The following ZNF730 variants were observed in gnomAD, a reference collection of about 807,000 sequenced individuals.
The protein encoded by ZNF730 is putative zinc finger protein 730.
In ZNF730, 12 loss-of-function variants were observed where a neutral mutation model predicts 12.6. That is an observed-to-expected ratio of 0.95 (90% CI 0.61 to 1.54). The LOEUF (loss-of-function observed/expected upper bound fraction) is 1.54. Among genes scored for constraint, ZNF730 ranks in the 40% most tolerant of loss-of-function variants. The pLI is 0.00. For synonymous variants in ZNF730, 194 were observed against 195.8 expected, an observed-to-expected ratio of 0.99 and a Z score of 0.08; for missense variants, 643 against 583.5, an observed-to-expected ratio of 1.10 and a Z score of -1.05.
chr19:23,089,212 C>T (rs972865751), intron 1 of ZNF730, among the ~76,000 whole-genome samples: 4 of 150,322 alleles, frequency 2.7e-5, no homozygotes, highest in Admixed American at 6.6e-5. Flanking sequence ...TATGATGCAT[C>T]GTATTTCTTT....
At chr19:23,118,442 T>A (rs1265831709) in intron 1 of ZNF730, among the ~76,000 whole-genome samples, 1 of 151,756 alleles carries the variant, frequency 6.6e-6, no homozygotes, top group Non-Finnish European at 1.5e-5. Flanking sequence ...CTGGTCCTGG[T>A]TTTCAGTACT....
Position 23,135,655 on chromosome 19 carries a change from C to T in ZNF730, c.131-293C>T, listed in dbSNP as rs1970819936. ...CCTCTTGAGTAGCTGGGACTACAGG[C>T]GTGTGCCACCACACCTAGCTAATTT... On this transcript the variant is annotated intron_variant, in intron 2 of 3. Transcript: ENST00000597761. Among the ~76,000 whole-genome samples, 4 of 151,828 alleles carry T rather than the reference C, an allele frequency of 2.6e-5. 1 individual carries two copies. The highest frequency in any genetic ancestry group is 4.2e-4 in the South Asian group (2 of 4,814).
intron 1 of ZNF730, among the ~76,000 whole-genome samples, chr19:23,081,117 A>G (rs1969959308): frequency 6.6e-6 from 1 of 150,924 alleles, no homozygotes; most frequent in Non-Finnish European, 1.5e-5. Flanking sequence ...AAGTGCTGGG[A>G]TTACAGGCGT....
At chr19:23,137,981 G>A (rs1970857030) in intron 3 of ZNF730, among the ~76,000 whole-genome samples, 2 of 152,184 alleles carry the variant, frequency 1.3e-5, no homozygotes, top group African/African-American at 4.8e-5. Context: ...ATATCAAAAT[G>A]TAGATGAAAA....
chr19:23,104,910 C>G (rs1241567714), intron 1 of ZNF730, among the ~76,000 whole-genome samples: 2 of 152,098 alleles, frequency 1.3e-5, no homozygotes, highest in Middle Eastern at 3.2e-3. Flanking sequence ...GAAAGGATTA[C>G]CCAGCTCACA....
chr19:23,145,632 T>C lies in ZNF730; in HGVS notation c.588T>C (p.Thr196=). The change falls in exon 4 of 4, where the codon ACT becomes ACC. Residue 196 remains threonine, a synonymous_variant. Transcript: ENST00000597761. ...TAGCTCAACATAAAAAAATTCATAC[T>C]GGAGAGAAATCCTACAAATGTGAAG... ...SHLAQHKKIH[T]GEKSYKCEEY... is the part of the protein sequence containing the mutation. 6.4e-7 allele frequency: 1 copy of C among 1,550,800 alleles called. No homozygotes were observed. Among genetic ancestry groups the C allele is most frequent in the Non-Finnish European group, 8.7e-7 (1 of 1,149,592 alleles).
At chr19:23,121,169 C>T (rs1970593440) in intron 1 of ZNF730, among the ~76,000 whole-genome samples, 1 of 152,086 alleles carries the variant, frequency 6.6e-6, no homozygotes, top group African/African-American at 2.4e-5. Flanking sequence ...AGAGTGTATA[C>T]TGTGTAGATT....
At chr19:23,124,334 G>A (rs2169589) in intron 1 of ZNF730, among the ~76,000 whole-genome samples, 85,782 of 152,146 alleles carry the variant, frequency 0.56, 26,382 homozygotes, top group South Asian at 0.73. Context: ...AAAGATCAAG[G>A]CTACAAAGTA....
At chr19:23,076,424 G>C (rs1969862791) in intron 1 of ZNF730, among the ~76,000 whole-genome samples, 2 of 152,062 alleles carry the variant, frequency 1.3e-5, no homozygotes, top group African/African-American at 4.8e-5. Flanking sequence ...GTACGTCTTC[G>C]GGTTGAAGTT....
At chr19:23,134,293 T>G in intron 2 of ZNF730, 87 bp downstream of exon 2, 1 of 1,206,344 alleles carries the variant, frequency 8.3e-7, no homozygotes, top group Non-Finnish European at 1.1e-6. Flanking sequence ...AGATCCCGGG[T>G]TTTTTTCTTT....
intron 1 of ZNF730, chr19:23,128,053 G>A: frequency 1.3e-6 from 1 of 764,116 alleles, no homozygotes. Context: ...GACTGGCAAT[G>A]AATACAATGT....
chr19:23,139,021 G>A (rs1970875820), intron 3 of ZNF730, among the ~76,000 whole-genome samples: 1 of 152,014 alleles, frequency 6.6e-6, no homozygotes, highest in African/African-American at 2.4e-5. Context: ...ATTTTAGATT[G>A]AAACATTTAG....
chr19:23,142,306 T>C (rs1040313194), intron 3 of ZNF730, among the ~76,000 whole-genome samples: 27 of 152,212 alleles, frequency 1.8e-4, no homozygotes, highest in Non-Finnish European at 3.4e-4. Flanking sequence ...TTTCAGTCTG[T>C]TTTTATCATT....
chr19:23,134,213 A>AT lies in ZNF730; in HGVS notation c.130+8dup, dbSNP rs778877583. 3 of 1,595,320 alleles carry AT rather than the reference A, an allele frequency of 1.9e-6. No individual in the cohort carries two copies. The highest frequency in any genetic ancestry group is 2.6e-6 in the Non-Finnish European group (3 of 1,170,364). ...AGAAACCTGGTCTTCCTGGGTGAGGATAACTTTAATATACAATTCCTAATA... is the reference window on the plus strand; with the variant it reads ...AGAAACCTGGTCTTCCTGGGTGAGGATTAACTTTAATATACAATTCCTAATA... On this transcript the variant is annotated splice_region_variant and intron_variant, in intron 2 of 3. Transcript: ENST00000597761.
intron 1 of ZNF730, among the ~76,000 whole-genome samples, chr19:23,081,145 C>A (rs1188651087): frequency 1.3e-5 from 2 of 149,684 alleles, no homozygotes; most frequent in East Asian, 4.0e-4. Context: ...CATACTAGAC[C>A]TCTTTTTTTC....
chr19:23,097,131 C>T (rs1970265104), intron 1 of ZNF730, among the ~76,000 whole-genome samples: 1 of 152,182 alleles, frequency 6.6e-6, no homozygotes, highest in Admixed American at 6.5e-5. Context: ...TGACTTTCTT[C>T]TCCTGCCTAG....
intron 1 of ZNF730, among the ~76,000 whole-genome samples, chr19:23,083,694 C>T (rs894722505): frequency 6.6e-6 from 1 of 151,024 alleles, no homozygotes; most frequent in African/African-American, 2.4e-5. Flanking sequence ...TGTTGAGCAT[C>T]TTTTTATGTA....
At chr19:23,096,321 A>G (rs894453575) in intron 1 of ZNF730, among the ~76,000 whole-genome samples, 1 of 152,098 alleles carries the variant, frequency 6.6e-6, no homozygotes, top group African/African-American at 2.4e-5. Context: ...ACTCCTCTCC[A>G]GCCTGGGACC....
upstream of ZNF730, among the ~76,000 whole-genome samples, chr19:23,113,370 A>C (rs1382881636): frequency 6.6e-6 from 1 of 152,218 alleles, no homozygotes; most frequent in Non-Finnish European, 1.5e-5. Context: ...GTTTTCATGC[A>C]ATCACCTGTA....
Sources: gnomAD v4.1 joint callset for allele counts (sites outside exome capture counted in the v4.1 genomes callset) on GRCh38, gnomAD v4.1.1 for gene constraint, MANE v1.5 for transcripts, NCBI Gene and HGNC (gene_info 2026-07-23, HGNC 2026-07-21) for gene names.